ZNF423: variants seen among roughly 807,000 people sequenced by gnomAD.
The protein encoded by ZNF423 is zinc finger protein 423.
ZNF423 carries 12 observed loss-of-function variants against 95.8 expected under a neutral mutation model. That is an observed-to-expected ratio of 0.13 (90% confidence interval 0.08 to 0.20). The LOEUF is 0.20. Among genes scored for constraint, ZNF423 ranks in the 10% least tolerant of loss-of-function variants. The pLI, the probability that ZNF423 is intolerant of heterozygous loss-of-function variation, is 1.00. For missense variants in ZNF423, 1,316 were observed against 1,737.1 expected (o/e 0.76, Z 4.31); for synonymous variants, 749 against 711.9 (o/e 1.05, Z -0.83).
chr16:49,621,261 TG>T (rs1462711365), intron 5 of ZNF423, among the ~76,000 whole-genome samples: 1 of 152,020 alleles, frequency 6.6e-6, no homozygotes, highest in Non-Finnish European at 1.5e-5. Context: ...TTTCAAAAGC[TG>T]GGGGAGTCCC....
At chr16:49,680,769 C>A (rs550027942) in intron 3 of ZNF423, among the ~76,000 whole-genome samples, 4 of 152,238 alleles carry the variant, frequency 2.6e-5, no homozygotes, top group Non-Finnish European at 4.4e-5. Flanking sequence ...ACCTGGATCA[C>A]CCTTGGCAGG....
intron 2 of ZNF423, among the ~76,000 whole-genome samples, chr16:49,764,996 T>C (rs1457531917): frequency 6.6e-6 from 1 of 151,094 alleles, no homozygotes; most frequent in Non-Finnish European, 1.5e-5. Context: ...TGACCTCAAG[T>C]GATTTGCCCG....
intron 7 of ZNF423, among the ~76,000 whole-genome samples, chr16:49,515,919 C>T (rs574682949): frequency 5.3e-5 from 8 of 152,158 alleles, no homozygotes; most frequent in Non-Finnish European, 1.0e-4. Flanking sequence ...GGTGGCTAAC[C>T]GCTGGCATGG....
chr16:49,690,825 G>C (rs953789847), intron 3 of ZNF423, among the ~76,000 whole-genome samples: 6 of 152,208 alleles, frequency 3.9e-5, no homozygotes, highest in Admixed American at 3.9e-4. Flanking sequence ...GAGGGGGATG[G>C]AGACCTGGAA....
intron 7 of ZNF423, among the ~76,000 whole-genome samples, chr16:49,519,384 A>T (rs1187866352): frequency 6.6e-6 from 1 of 152,218 alleles, no homozygotes. Flanking sequence ...TGGCCATACC[A>T]TCTTGCACTG....
chr16:49,610,800 G>A lies in ZNF423; in HGVS notation c.3601+15370C>T, dbSNP rs537299360. ...CACTTAAAATATAACAATACTGGCA[G>A]GTTGAAAGTAAAAGAATGTAAAAGG... On this transcript the variant is annotated intron_variant, in intron 5 of 7. Transcript: ENST00000563137. 1.9e-4 allele frequency among the ~76,000 whole-genome samples: 29 copies of A among 151,928 alleles called. 1 individual carries two copies. The South Asian group carries it at 5.8e-3, about 30-fold the overall frequency.
chr16:49,515,213 AC>A (rs1968086976), intron 7 of ZNF423, among the ~76,000 whole-genome samples: 1 of 152,246 alleles, frequency 6.6e-6, no homozygotes. Flanking sequence ...GTGGCCATGC[AC>A]AGCCCTGGCC....
intron 5 of ZNF423, among the ~76,000 whole-genome samples, chr16:49,555,885 G>A (rs1969808801): frequency 6.6e-6 from 1 of 152,128 alleles, no homozygotes; most frequent in African/African-American, 2.4e-5. Flanking sequence ...ATGGATAGAT[G>A]GATGGGTGGA....
At chr16:49,785,284 T>C (rs1019648794) in intron 2 of ZNF423, among the ~76,000 whole-genome samples, 1 of 152,138 alleles carries the variant, frequency 6.6e-6, no homozygotes, top group Non-Finnish European at 1.5e-5. Context: ...TCTCACTATA[T>C]TACCCAGGCT....
chr16:49,578,396 A>G (rs948155784), intron 5 of ZNF423, among the ~76,000 whole-genome samples: 1 of 152,200 alleles, frequency 6.6e-6, no homozygotes, highest in African/African-American at 2.4e-5. Context: ...AAAACAGGAT[A>G]TTAAGGGAAG....
intron 1 of ZNF423, among the ~76,000 whole-genome samples, chr16:49,791,856 GC>G: frequency 6.6e-6 from 1 of 152,040 alleles, no homozygotes; most frequent in East Asian, 1.9e-4. Flanking sequence ...ACAAAACTTA[GC>G]CAGGCATGGT....
At chr16:49,535,700 C>G (rs1969034998) in intron 5 of ZNF423, among the ~76,000 whole-genome samples, 1 of 152,144 alleles carries the variant, frequency 6.6e-6, no homozygotes, top group Non-Finnish European at 1.5e-5. Context: ...ACACACATCC[C>G]CTTTTACCTG....
At chr16:49,704,802 T>A (rs2143031790) in intron 3 of ZNF423, among the ~76,000 whole-genome samples, 1 of 152,214 alleles carries the variant, frequency 6.6e-6, no homozygotes, top group East Asian at 1.9e-4. Context: ...GGCCTTCAAA[T>A]ATGGCTGCCA....
At chr16:49,736,709 C>T (rs987249023) in intron 2 of ZNF423, among the ~76,000 whole-genome samples, 1 of 152,154 alleles carries the variant, frequency 6.6e-6, no homozygotes, top group Non-Finnish European at 1.5e-5. Flanking sequence ...GCAGGAGGAT[C>T]GTTTCAGCCC....
chr16:49,709,107 C>T (rs530562397), intron 3 of ZNF423, among the ~76,000 whole-genome samples: 16 of 150,512 alleles, frequency 1.1e-4, no homozygotes, highest in Non-Finnish European at 2.4e-4. Context: ...CAGGCCTTAT[C>T]CTCCAGCAGC....
At chr16:49,726,739 G>A (rs1224270982) in intron 3 of ZNF423, among the ~76,000 whole-genome samples, 3 of 151,052 alleles carry the variant, frequency 2.0e-5, no homozygotes, top group Non-Finnish European at 2.9e-5. Context: ...GTGGCAAAAA[G>A]CCTCATCTAC....
intron 7 of ZNF423, among the ~76,000 whole-genome samples, chr16:49,519,829 C>T (rs1301293718): frequency 6.6e-6 from 1 of 152,182 alleles, no homozygotes; most frequent in East Asian, 1.9e-4. Context: ...TTGCCATGAT[C>T]TGGGCTCCAC....
chr16:49,527,148 G>A (rs556642992), intron 5 of ZNF423, among the ~76,000 whole-genome samples: 8 of 151,742 alleles, frequency 5.3e-5, no homozygotes, highest in Admixed American at 4.6e-4. Flanking sequence ...CCGCACCCCC[G>A]GGCACCCCAC....
chr16:49,696,455 G>C (rs1394782460), intron 3 of ZNF423, among the ~76,000 whole-genome samples: 3 of 152,174 alleles, frequency 2.0e-5, no homozygotes, highest in Non-Finnish European at 2.9e-5. Flanking sequence ...GCTCCCCATG[G>C]TGCCAGATTC....
Sources: gnomAD v4.1 joint callset for allele counts (sites outside exome capture counted in the v4.1 genomes callset) on GRCh38, gnomAD v4.1.1 for gene constraint, MANE v1.5 for transcripts, NCBI Gene and HGNC (gene_info 2026-07-23, HGNC 2026-07-21) for gene names.